DHRSX: variants seen among roughly 807,000 people sequenced by gnomAD.
DHRSX encodes the protein polyprenol dehydrogenase.
Under a neutral mutation model 34.0 loss-of-function variants are expected in DHRSX, and 31 were observed. The ratio of observed to expected loss-of-function variants is 0.91; its 90% CI spans 0.69 to 1.23. The LOEUF (loss-of-function observed/expected upper bound fraction) is 1.23. Ranked by LOEUF, DHRSX falls within the 50% of genes most tolerant of loss-of-function variation. The pLI is 0.00. For synonymous variants in DHRSX, 201 were observed against 183.8 expected, an observed-to-expected ratio of 1.09 and a Z score of -0.76; for missense variants, 414 against 428.1, an observed-to-expected ratio of 0.97 and a Z score of 0.29.
At chrX:2,359,865 G>A (rs2042906614) in intron 3 of DHRSX, among the ~76,000 whole-genome samples, 1 of 152,060 alleles carries the variant, frequency 6.6e-6, no homozygotes, top group Admixed American at 6.6e-5. Flanking sequence ...ATAAGTGAGA[G>A]CTAAATGATG....
Position 2,471,522 on chromosome X carries a change from C to A in DHRSX, c.109+29295G>T, listed in dbSNP as rs186863493. Among the ~76,000 whole-genome samples the A allele has an allele frequency of 1.0e-3, 156 of 151,884 alleles. 2 individuals carry two copies. The highest frequency in any genetic ancestry group is 3.6e-3 in the African/African-American group (147 of 41,382). ...TTGGCTGCAGTGAGCCGAGATTGAG[C>A]CATTGCACTGCAGCCTGGGCAACAA... On this transcript the variant is annotated intron_variant, in intron 1 of 6. Coordinates refer to ENST00000334651, the MANE Select transcript of DHRSX (RefSeq NM_145177.3).
chrX:2,444,273 A>G (rs995597399), intron 1 of DHRSX, among the ~76,000 whole-genome samples: 19 of 152,216 alleles, frequency 1.2e-4, no homozygotes, highest in Non-Finnish European at 2.6e-4. Flanking sequence ...TAATTCTGCA[A>G]GCACACACCC....
chrX:2,458,541 G>C lies in DHRSX; in HGVS notation c.110-33237C>G, dbSNP rs142534734. ...CTACCATTTGCAGCAACATGGGTGG[G>C]ACTGAAAGATACAATGTGAAGTGAA... is the stretch of plus-strand genomic sequence containing the variant. On this transcript the variant is annotated intron_variant, in intron 1 of 6. Transcript: ENST00000334651. Among the ~76,000 whole-genome samples the C allele has an allele frequency of 4.6e-3, 707 of 152,270 alleles. 3 individuals carry two copies. Among genetic ancestry groups the C allele is most frequent in the African/African-American group, 0.016 (655 of 41,560 alleles).
At chrX:2,407,834 G>A (rs889716758) in intron 3 of DHRSX, among the ~76,000 whole-genome samples, 5 of 152,188 alleles carry the variant, frequency 3.3e-5, no homozygotes, top group African/African-American at 9.7e-5. Context: ...TACAATGTAC[G>A]TGATTCAGGT....
intron 2 of DHRSX, among the ~76,000 whole-genome samples, chrX:2,411,079 C>T (rs1369458796): frequency 6.6e-6 from 1 of 152,020 alleles, no homozygotes; most frequent in East Asian, 1.9e-4. Context: ...TATAAATGTC[C>T]TATGCATCAA....
intron 3 of DHRSX, among the ~76,000 whole-genome samples, chrX:2,324,030 C>T (rs773001333): frequency 6.7e-6 from 1 of 148,564 alleles, no homozygotes; most frequent in East Asian, 2.0e-4. Flanking sequence ...GCACTCCAGC[C>T]TGGGTAACAG....
At chrX:2,324,687 T>C (rs1185721232) in intron 3 of DHRSX, among the ~76,000 whole-genome samples, 1 of 152,002 alleles carries the variant, frequency 6.6e-6, no homozygotes, top group Admixed American at 6.6e-5. Context: ...ACTCAGAGTC[T>C]GCCAGTGATA....
intron 3 of DHRSX, among the ~76,000 whole-genome samples, chrX:2,324,523 T>C (rs1469212181): frequency 6.6e-6 from 1 of 152,126 alleles, no homozygotes; most frequent in Admixed American, 6.6e-5. Flanking sequence ...GACCTGTGCT[T>C]GCAAGGGTTC....
chrX:2,331,436 G>GT lies in DHRSX; in HGVS notation c.287-39834dup, dbSNP rs1159991841. On this transcript the variant is annotated intron_variant, in intron 3 of 6. Transcript: ENST00000334651. ...GGAATCCTTTCAGGAAGGTTTTTTG[G>GT]TTTTTTTTTTTTTTTTTTTTTTTTT... Among the ~76,000 whole-genome samples the GT allele has an allele frequency of 8.6e-3, 817 of 94,526 alleles. 39 individuals carry two copies. Among genetic ancestry groups the GT allele is most frequent in the East Asian group, 0.032 (93 of 2,880 alleles). The allele number at this position is 94,526 out of a possible 152,430, so 62.0% of individuals were successfully genotyped here. A position where few individuals can be genotyped will look rare whatever the true frequency, so the allele number is the denominator to read the frequency against.
chrX:2,274,964 TG>T (rs1310538138), intron 4 of DHRSX, among the ~76,000 whole-genome samples: 2 of 152,026 alleles, frequency 1.3e-5, no homozygotes. Context: ...CTGAGATGCC[TG>T]TTAGGAGGCC....
intron 1 of DHRSX, among the ~76,000 whole-genome samples, chrX:2,452,434 T>G (rs1025373213): frequency 6.6e-6 from 1 of 151,298 alleles, no homozygotes; most frequent in African/African-American, 2.4e-5. Context: ...TTGAAGACAT[T>G]CCCTACGAAT....
rs1159991841 is a variant in DHRSX, at chrX:2,331,436, G to GTTTTTTTTTTTTTT, written c.287-39847_287-39834dup. Reference sequence around the variant, plus strand: ...GGAATCCTTTCAGGAAGGTTTTTTGGTTTTTTTTTTTTTTTTTTTTTTTTT... The same window carrying GTTTTTTTTTTTTTT: ...GGAATCCTTTCAGGAAGGTTTTTTGGTTTTTTTTTTTTTTTTTTTTTTTTTTTTTTTTTTTTTTT... On this transcript the variant is annotated intron_variant, in intron 3 of 6. Coordinates refer to ENST00000334651, the MANE Select transcript of DHRSX (RefSeq NM_145177.3). 1.9e-3 allele frequency among the ~76,000 whole-genome samples: 183 copies of GTTTTTTTTTTTTTT among 94,642 alleles called. 23 individuals carry two copies. Among genetic ancestry groups the GTTTTTTTTTTTTTT allele is most frequent in the Non-Finnish European group, 3.4e-3 (156 of 46,446 alleles). 62.1% of individuals were successfully genotyped at this position (94,642 alleles called of 152,430 possible).
intron 4 of DHRSX, among the ~76,000 whole-genome samples, chrX:2,284,727 G>A (rs1348464152): frequency 2.6e-5 from 4 of 152,210 alleles, no homozygotes; most frequent in East Asian, 3.9e-4. Flanking sequence ...CATAAATACC[G>A]GCTCTGCAGG....
intron 5 of DHRSX, among the ~76,000 whole-genome samples, chrX:2,256,826 G>A (rs991755465): frequency 6.7e-6 from 1 of 149,432 alleles, no homozygotes; most frequent in African/African-American, 2.4e-5. Context: ...AATTCAAGTG[G>A]TTCTCATATT....
chrX:2,468,832 C>T (rs1039728101), intron 1 of DHRSX, among the ~76,000 whole-genome samples: 2 of 151,866 alleles, frequency 1.3e-5, no homozygotes, highest in East Asian at 1.9e-4. Context: ...ACACTGAAGA[C>T]GTTCCCTAAG....
At chrX:2,325,162 T>G (rs1255622853) in intron 3 of DHRSX, among the ~76,000 whole-genome samples, 1 of 152,088 alleles carries the variant, frequency 6.6e-6, no homozygotes, top group Non-Finnish European at 1.5e-5. Flanking sequence ...ACAAGCCAGC[T>G]GGGAGCTTGT....
chrX:2,391,860 AAGGTTGC>A (rs1360079926), intron 3 of DHRSX, among the ~76,000 whole-genome samples: 1 of 152,028 alleles, frequency 6.6e-6, no homozygotes, highest in African/African-American at 2.4e-5. Flanking sequence ...CCAGGAGGTG[AAGGTTGC>A]AGTGGGCCAA....
chrX:2,452,636 A>C (rs2044240175), intron 1 of DHRSX, among the ~76,000 whole-genome samples: 1 of 152,134 alleles, frequency 6.6e-6, no homozygotes, highest in Non-Finnish European at 1.5e-5. Context: ...GCATGCGGCC[A>C]ACGGACTGCC....
At chrX:2,274,011 G>C (rs918463269) in intron 4 of DHRSX, among the ~76,000 whole-genome samples, 1 of 152,082 alleles carries the variant, frequency 6.6e-6, no homozygotes, top group Admixed American at 6.6e-5. Context: ...GAGCTACTGC[G>C]AGTAATTACG....
Sources: allele counts gnomAD v4.1 joint callset (sites outside exome capture counted in the v4.1 genomes callset), GRCh38; gene constraint gnomAD v4.1.1; transcripts MANE v1.5; gene names NCBI Gene and HGNC (gene_info 2026-07-23, HGNC 2026-07-21).